The following MMS19 variants were observed in gnomAD, a reference collection of about 807,000 sequenced individuals.
The protein encoded by MMS19 is MMS19 nucleotide excision repair protein homolog.
In MMS19, 77 loss-of-function variants were observed where a neutral mutation model predicts 129.8. The observed-to-expected ratio is 0.59, with a 90% CI of 0.49 to 0.72. The LOEUF (loss-of-function observed/expected upper bound fraction) is 0.72, where lower values mean the gene tolerates loss of function less well. Among genes scored for constraint, MMS19 ranks in the 30% least tolerant of loss-of-function variants. The pLI is 0.00. For missense variants in MMS19, 1,168 were observed against 1,266.3 expected, an observed-to-expected ratio of 0.92 and a Z score of 1.18; for synonymous variants, 491 against 502.8, an observed-to-expected ratio of 0.98 and a Z score of 0.31.
At position 97,460,972 on chromosome 10, in the gene MMS19, C is replaced by G; in HGVS notation, c.2347G>C (p.Asp783His). ...GAGCCCAGGCCAGCCTCCACTTTGTCCACAGCTAGCTGTAGGAATTCATCC... is the reference window on the plus strand; with the variant it reads ...GAGCCCAGGCCAGCCTCCACTTTGTGCACAGCTAGCTGTAGGAATTCATCC... ...QLDEFLQLAV[D>H]KVEAGLGSGP... is the part of the protein sequence containing the mutation. Residue 783 changes from aspartate (D) to histidine (H), a missense_variant, in exon 24 of 31, where the codon GAC (aspartate) becomes CAC (histidine). Asp to His is a moderately conservative substitution (Grantham distance 81). Coordinates refer to ENST00000438925, the MANE Select transcript of MMS19 (RefSeq NM_022362.5). The G allele has an allele frequency of 1.3e-6, 2 of 1,571,624 alleles. No homozygotes were observed. Among genetic ancestry groups the G allele is most frequent in the Non-Finnish European group, 1.7e-6 (2 of 1,157,734 alleles).
intron 1 of MMS19, among the ~76,000 whole-genome samples, chr10:97,492,860 CAA>C (rs67491435): frequency 0.33 from 35,483 of 106,400 alleles, 4,581 homozygotes; most frequent in East Asian, 0.48. Context: ...CTTCATCTCC[CAA>C]AAAAAAAAAA....
intron 1 of MMS19, among the ~76,000 whole-genome samples, chr10:97,496,620 A>C (rs1442870876): frequency 6.6e-6 from 1 of 152,252 alleles, no homozygotes. Context: ...TGAATCAAAA[A>C]AAAATCCAAA....
chr10:97,484,159 A>G lies in MMS19; in HGVS notation c.113-8T>C, dbSNP rs184667967. ...AGTTGCCAGATTTCACATCTGCAGGAAATAAAATAAATAAATATGAAAAAT... is the reference window on the plus strand; with the variant it reads ...AGTTGCCAGATTTCACATCTGCAGGGAATAAAATAAATAAATATGAAAAAT... On this transcript the variant is annotated splice_region_variant and splice_polypyrimidine_tract_variant and intron_variant, in intron 1 of 30. Coordinates refer to ENST00000438925, the MANE Select transcript of MMS19 (RefSeq NM_022362.5). 2.8e-3 allele frequency: 4,059 copies of G among 1,463,388 alleles called. 9 individuals are homozygous for G. The highest frequency in any genetic ancestry group is 9.3e-3 in the Middle Eastern group (53 of 5,678). The allele number at this position is 1,463,388 out of a possible 1,614,324, so 90.7% of individuals were successfully genotyped here.
chr10:97,470,383 C>T (rs2034434858), intron 9 of MMS19, among the ~76,000 whole-genome samples, 180 bp from the exon 10 acceptor site: 1 of 152,208 alleles, frequency 6.6e-6, no homozygotes, highest in African/African-American at 2.4e-5. Flanking sequence ...GCCCCACTAC[C>T]TCAAAAACAG....
At chr10:97,476,658 A>G in intron 8 of MMS19, 25 bp downstream of exon 8, 1 of 1,611,324 alleles carries the variant, frequency 6.2e-7, no homozygotes, top group Non-Finnish European at 8.5e-7. Context: ...TAAATATATG[A>G]TCAAACAATG....
At position 97,459,397 on chromosome 10, in the gene MMS19, T is replaced by C; in HGVS notation, c.2869A>G (p.Thr957Ala). 1.9e-6 allele frequency: 3 copies of C among 1,604,888 alleles called. No homozygotes were observed. The highest frequency in any genetic ancestry group is 2.6e-6 in the Non-Finnish European group (3 of 1,175,744). The change falls in exon 28 of 31, where the codon ACC (threonine) becomes GCC (alanine). Residue 957 changes from threonine to alanine, a missense_variant. Physicochemically the swap from Thr to Ala is moderately conservative, Grantham distance 58. Transcript: ENST00000438925. ...VMSLHVDTLV[T>A]KFLNLSSSPS... ...CTAGAGCTGAGGTTCAGAAACTTGG[T>C]GACGAGGGTGTCCACGTGAAGACTC...
chr10:97,465,246 C>T (rs10882940), intron 18 of MMS19, among the ~76,000 whole-genome samples: 42,128 of 150,566 alleles, frequency 0.28, 6,095 homozygotes, highest in East Asian at 0.48. Flanking sequence ...GTGATCCACC[C>T]GCCTCAGCCT....
At chr10:97,461,644 A>G in intron 22 of MMS19, 22 bp from the exon 23 acceptor site, 3 of 1,593,384 alleles carry the variant, frequency 1.9e-6, no homozygotes, top group Non-Finnish European at 2.6e-6. Flanking sequence ...CTGGCCATGT[A>G]ATGGACCCAG....
upstream of MMS19, chr10:97,498,723 G>A (rs1392091683): frequency 8.5e-6 from 3 of 354,548 alleles, no homozygotes; most frequent in East Asian, 1.9e-4. Context: ...AGAAAATCAG[G>A]CCCAGCCCTA....
At chr10:97,484,526 A>C (rs1163115255) in intron 1 of MMS19, among the ~76,000 whole-genome samples, 2 of 152,164 alleles carry the variant, frequency 1.3e-5, no homozygotes, top group East Asian at 3.8e-4. Flanking sequence ...AAGGAAAAAG[A>C]CCCTGTTTAT....
intron 1 of MMS19, among the ~76,000 whole-genome samples, chr10:97,484,818 G>A (rs111766855): frequency 0.029 from 4,356 of 152,250 alleles, 86 homozygotes; most frequent in Non-Finnish European, 0.046. Flanking sequence ...TCAGAAGGCT[G>A]AGGCAGGAGA....
Position 97,497,522 on chromosome 10 carries a change from G to GTT in MMS19, c.112+749_112+750dup, listed in dbSNP as rs35797725. On this transcript the variant is annotated intron_variant, in intron 1 of 30. Coordinates refer to ENST00000438925, the MANE Select transcript of MMS19 (RefSeq NM_022362.5). ...CCTAACATTCAATAACTTTTTAGTA[G>GTT]TTTTTTTTTTTTCCTAGAAGAGCAA... 3.0e-3 allele frequency among the ~76,000 whole-genome samples: 449 copies of GTT among 147,636 alleles called. 1 individual carries two copies. Among genetic ancestry groups the GTT allele is most frequent in the Non-Finnish European group, 4.6e-3 (307 of 66,770 alleles).
At chr10:97,476,098 CTT>C (rs2035711797) in intron 8 of MMS19, among the ~76,000 whole-genome samples, 1 of 152,338 alleles carries the variant, frequency 6.6e-6, no homozygotes, top group African/African-American at 2.4e-5. Context: ...TGATGAAACT[CTT>C]GAGTATTTGG....
intron 18 of MMS19, among the ~76,000 whole-genome samples, chr10:97,465,260 A>T (rs780256993): frequency 6.6e-6 from 1 of 151,946 alleles, no homozygotes; most frequent in Non-Finnish European, 1.5e-5. Context: ...TCAGCCTCCC[A>T]AAGTGCTGGG....
Position 97,498,349 on chromosome 10 carries a change from A to G in MMS19, c.36T>C (p.Pro12=). 6.4e-7 allele frequency: 1 copy of G among 1,571,510 alleles called. No individual in the cohort carries two copies. The highest frequency in any genetic ancestry group is 8.6e-7 in the Non-Finnish European group (1 of 1,166,224). The change falls in exon 1 of 31, where the codon CCT becomes CCC. Residue 12 remains proline, a synonymous_variant. Transcript: ENST00000438925. ...GCACGAGGCCCCATAGGGCACCCATAGGCGCCGCCGCCTCCACAGCCGCGG... is the reference window on the plus strand; with the variant it reads ...GCACGAGGCCCCATAGGGCACCCATGGGCGCCGCCGCCTCCACAGCCGCGG... The part of the protein sequence containing the change: ...AAAAAVEAAA[P]MGALWGLVHD...
chr10:97,464,079 C>A (rs558861810), intron 18 of MMS19, 66 bp from the exon 19 acceptor site: 4 of 1,448,684 alleles, frequency 2.8e-6, no homozygotes, highest in Non-Finnish European at 3.8e-6. Flanking sequence ...TCCAATTACA[C>A]AGCAGATGAG....
chr10:97,496,907 T>G (rs1035499565), intron 1 of MMS19, among the ~76,000 whole-genome samples: 2 of 152,250 alleles, frequency 1.3e-5, no homozygotes, highest in African/African-American at 2.4e-5. Context: ...CAAGTAATAT[T>G]AAAATGTTAA....
In MMS19 at chr10:97,480,453, C is replaced by T. The variant is rs567481941; in HGVS notation, c.262+489G>A. The stretch of plus-strand genomic sequence containing the variant: ...AGATAAATAAGTTGTTGTCCTTTTT[C>T]CCCCTCAGGACCTCAAAGCATGCCG... On this transcript the variant is annotated intron_variant, in intron 3 of 30. Coordinates refer to ENST00000438925, the MANE Select transcript of MMS19 (RefSeq NM_022362.5). 148 of 384,054 alleles carry T rather than the reference C, an allele frequency of 3.9e-4. 2 individuals are homozygous for T. Among genetic ancestry groups the T allele is most frequent in the South Asian group, 2.6e-3 (127 of 49,498 alleles). 23.8% of individuals were successfully genotyped at this position (384,054 alleles called of 1,614,324 possible). A position where few individuals can be genotyped will look rare whatever the true frequency, so the allele number is the denominator to read the frequency against.
intron 1 of MMS19, among the ~76,000 whole-genome samples, chr10:97,491,505 A>G (rs1451295682): frequency 6.6e-6 from 1 of 152,110 alleles, no homozygotes; most frequent in Admixed American, 6.5e-5. Context: ...TCTCTACCAA[A>G]AATTAAAAAA....
Sources: gnomAD v4.1 joint callset for allele counts (sites outside exome capture counted in the v4.1 genomes callset) on GRCh38, gnomAD v4.1.1 for gene constraint, MANE v1.5 for transcripts, NCBI Gene and HGNC (gene_info 2026-07-23, HGNC 2026-07-21) for gene names.